Variants in ANK1 observed in about 807,000 individuals in gnomAD.
The protein encoded by ANK1 is ankyrin-1.
A neutral mutation model predicts 210.4 loss-of-function variants in ANK1; 51 were observed. The ratio of observed to expected loss-of-function variants is 0.24; its 90% CI spans 0.19 to 0.31. The LOEUF (loss-of-function observed/expected upper bound fraction) is 0.31. Ranked by LOEUF, ANK1 falls within the 10% of genes least tolerant of loss-of-function variation. The probability of loss-of-function intolerance (pLI) is 1.00; values close to 1 mark genes in which losing one functional copy is unlikely to be tolerated. For synonymous variants in ANK1, 967 were observed against 1,025.9 expected (o/e 0.94, Z 1.10); for missense variants, 2,051 against 2,504.4 (o/e 0.82, Z 3.86).
chr8:41,880,607 G>A (rs1443022307), intron 1 of ANK1, among the ~76,000 whole-genome samples: 2 of 152,226 alleles, frequency 1.3e-5, no homozygotes, highest in Non-Finnish European at 2.9e-5. Context: ...TCTTTGCAGG[G>A]GGGCTGGTGT....
chr8:41,719,645 C>A lies in ANK1; in HGVS notation c.1107+16G>T, dbSNP rs751197494. 1 of 1,614,050 alleles carries A rather than the reference C, an allele frequency of 6.2e-7. No individual in the cohort carries two copies. Among genetic ancestry groups the A allele is most frequent in the African/African-American group, 1.3e-5 (1 of 74,932 alleles). ...CCCTGCCACTCTGCACCTTCTCCAG[C>A]AGCACCCCCACTCACCAGGGCTCTG... On this transcript the variant is annotated intron_variant, in intron 10 of 42. Coordinates refer to ENST00000289734, the MANE Select transcript of ANK1 (RefSeq NM_000037.4).
intron 2 of ANK1, 39 bp downstream of exon 2, chr8:41,757,997 A>G (rs759351372): frequency 6.4e-7 from 1 of 1,550,928 alleles, no homozygotes; most frequent in Admixed American, 1.7e-5. Flanking sequence ...GGCAAGAGCT[A>G]CTCTTCAGAG....
chr8:41,895,811 AGGGCAGGAGCC>A (rs1820372193), intron 1 of ANK1, among the ~76,000 whole-genome samples: 1 of 152,144 alleles, frequency 6.6e-6, no homozygotes, highest in African/African-American at 2.4e-5. Flanking sequence ...GGGTCAAGGA[AGGGCAGGAGCC>A]CGACTCTCGT....
chr8:41,794,588 A>G (rs573731896), intron 1 of ANK1, among the ~76,000 whole-genome samples: 2 of 152,358 alleles, frequency 1.3e-5, no homozygotes, highest in South Asian at 4.1e-4. Flanking sequence ...CTGCTGGGAA[A>G]TAAGCTCTGC....
upstream of ANK1, among the ~76,000 whole-genome samples, chr8:41,798,004 T>C (rs537809992): frequency 6.6e-6 from 1 of 150,886 alleles, no homozygotes; most frequent in East Asian, 2.0e-4. Flanking sequence ...AATTTCTTTT[T>C]AGTGGCATCT....
intron 1 of ANK1, among the ~76,000 whole-genome samples, chr8:41,774,922 A>G (rs1265660408): frequency 1.3e-5 from 2 of 152,216 alleles, no homozygotes; most frequent in Admixed American, 1.3e-4. Flanking sequence ...CCCATTTACT[A>G]AACTACCTCC....
intron 16 of ANK1, 114 bp from the exon 17 acceptor site, chr8:41,709,089 G>GGA: frequency 1.6e-6 from 2 of 1,236,452 alleles, no homozygotes; most frequent in Non-Finnish European, 2.3e-6. Flanking sequence ...CAGTGAGCAG[G>GGA]GCTGGCATCA....
intron 37 of ANK1, 141 bp downstream of exon 37, chr8:41,684,403 G>A: frequency 7.4e-7 from 1 of 1,356,518 alleles, no homozygotes; most frequent in Admixed American, 1.7e-5. Context: ...GGAGGAACTT[G>A]TTGCTGACAA....
chr8:41,779,851 C>T (rs1340431637), intron 1 of ANK1, among the ~76,000 whole-genome samples: 1 of 152,186 alleles, frequency 6.6e-6, no homozygotes, highest in African/African-American at 2.4e-5. Flanking sequence ...TCGGCCACCG[C>T]AAGCATTCTG....
chr8:41,700,551 C>G, intron 22 of ANK1: 7 of 1,291,578 alleles, frequency 5.4e-6, no homozygotes, highest in Non-Finnish European at 7.9e-6. Context: ...AGAAGCTCTG[C>G]TTCTCTAGTT....
chr8:41,793,416 TG>T (rs1347739536), intron 1 of ANK1, among the ~76,000 whole-genome samples: 1 of 152,070 alleles, frequency 6.6e-6, no homozygotes, highest in African/African-American at 2.4e-5. Context: ...AATACAACAG[TG>T]CAGGATCAGG....
In ANK1 at chr8:41,731,580, C is replaced by CT. The variant is rs60238358; in HGVS notation, c.228+2390dup. Reference sequence around the variant, plus strand: ...GTTTTGGCTTTTTACTCTTTTTCTTCTTTTTTTTTTTTCATCTTTCTGCTG... The same window carrying CT: ...GTTTTGGCTTTTTACTCTTTTTCTTCTTTTTTTTTTTTTCATCTTTCTGCTG... On this transcript the variant is annotated intron_variant, in intron 3 of 42. Coordinates refer to ENST00000289734, the MANE Select transcript of ANK1 (RefSeq NM_000037.4). Among the ~76,000 whole-genome samples, 1,054 of 146,028 alleles carry CT rather than the reference C, an allele frequency of 7.2e-3. 5 individuals are homozygous for CT. The highest frequency in any genetic ancestry group is 0.011 in the Middle Eastern group (3 of 276).
Position 41,708,907 on chromosome 8 carries a change from C to T in ANK1, c.1869G>A (p.Gln623=), listed in dbSNP as rs969640502. 1 of 1,614,176 alleles carries T rather than the reference C, an allele frequency of 6.2e-7. No individual in the cohort carries two copies. Among genetic ancestry groups the T allele is most frequent in the Non-Finnish European group, 8.5e-7 (1 of 1,180,048 alleles). ...ACTCGGCGTTTGCTGAGCCCCCATA[C>T]TGCAGCAGACTACGGGCCACCTCCA... is the stretch of plus-strand genomic sequence containing the variant. ...NQVEVARSLL[Q]YGGSANAESV... is the part of the protein sequence containing the mutation. The change falls in exon 17 of 43, where the codon CAG becomes CAA. Residue 623 remains glutamine (Q), a synonymous_variant. Transcript: ENST00000289734.
intron 1 of ANK1, among the ~76,000 whole-genome samples, chr8:41,768,303 T>C (rs1046890348): frequency 1.3e-5 from 2 of 152,236 alleles, no homozygotes; most frequent in Non-Finnish European, 2.9e-5. Flanking sequence ...AGGTGTTTTG[T>C]ATCATAAGCC....
intron 1 of ANK1, among the ~76,000 whole-genome samples, chr8:41,848,231 A>AAAT (rs1810463480): frequency 2.4e-5 from 3 of 122,660 alleles, no homozygotes; most frequent in African/African-American, 5.9e-5. Flanking sequence ...AATAAATAAA[A>AAAT]CTGTGCAATA....
intron 1 of ANK1, among the ~76,000 whole-genome samples, chr8:41,867,320 G>A (rs1814663215): frequency 6.6e-6 from 1 of 152,164 alleles, no homozygotes; most frequent in South Asian, 2.1e-4. Context: ...TCTGCAAAAG[G>A]AGGCAACATC....
intron 1 of ANK1, among the ~76,000 whole-genome samples, chr8:41,762,790 C>T (rs1438065860): frequency 6.6e-6 from 1 of 152,228 alleles, no homozygotes; most frequent in Non-Finnish European, 1.5e-5. Context: ...ATTTCTCCCA[C>T]CAATTAACTA....
intron 1 of ANK1, among the ~76,000 whole-genome samples, chr8:41,860,787 G>A (rs530554956): frequency 1.3e-5 from 2 of 152,168 alleles, no homozygotes; most frequent in Non-Finnish European, 2.9e-5. Flanking sequence ...ACCCTCTGAG[G>A]ATTGCTGTGG....
chr8:41,847,352 AT>A, intron 1 of ANK1, among the ~76,000 whole-genome samples: 1 of 152,236 alleles, frequency 6.6e-6, no homozygotes, highest in African/African-American at 2.4e-5. Context: ...CGGGCCTGAA[AT>A]AACACACATC....
Sources: gnomAD v4.1 joint callset for allele counts (sites outside exome capture counted in the v4.1 genomes callset) on GRCh38, gnomAD v4.1.1 for gene constraint, MANE v1.5 for transcripts, NCBI Gene and HGNC (gene_info 2026-07-23, HGNC 2026-07-21) for gene names.